Variants in PGAM5 observed in about 807,000 individuals in gnomAD.
The protein encoded by PGAM5 is PGAM family member 5, mitochondrial serine/threonine protein phosphatase, also known as serine/threonine-protein phosphatase PGAM5, mitochondrial.
Under a neutral mutation model 30.6 loss-of-function variants are expected in PGAM5, and 25 were observed. The observed-to-expected ratio is 0.82, with a 90% CI of 0.60 to 1.14. The LOEUF (loss-of-function observed/expected upper bound fraction) is 1.14. Ranked by LOEUF, PGAM5 falls within the 50% of genes most tolerant of loss-of-function variation. The pLI is 0.00. For missense variants in PGAM5, 384 were observed against 408.5 expected (o/e 0.94, Z 0.52); for synonymous variants, 201 against 179.1 (o/e 1.12, Z -0.98).
Position 132,721,454 on chromosome 12 carries a change from G to C in PGAM5, c.*626G>C, listed in dbSNP as rs974993454. The stretch of plus-strand genomic sequence containing the variant: ...TACTAAAAATACAGAACTTAGCTGG[G>C]TGTGTCGTGGGCATCTAGAGTCCCA... On this transcript the variant is annotated 3_prime_UTR_variant, in exon 6 of 6. Coordinates refer to ENST00000498926, the MANE Select transcript of PGAM5 (RefSeq NM_001170543.2). The C allele has an allele frequency of 6.6e-6, 1 of 152,228 alleles. No individual in the cohort carries two copies. The highest frequency in any genetic ancestry group is 1.5e-5 in the Non-Finnish European group (1 of 68,070). The allele number at this position is 152,228 out of a possible 1,614,324, so 9.4% of individuals were successfully genotyped here.
In PGAM5 at chr12:132,710,942, C is replaced by T; in HGVS notation, c.66C>T (p.Leu22=). The change falls in exon 1 of 6, where the codon CTC becomes CTT. Residue 22 remains leucine (L), a synonymous_variant. Coordinates refer to ENST00000498926, the MANE Select transcript of PGAM5 (RefSeq NM_001170543.2). ...CGLAGGSAAV[L]FSAVAVGKPR... ...TGGCCGGGGGCTCGGCCGCCGTGCT[C>T]TTCTCGGCCGTGGCGGTAGGGAAGC... The T allele has an allele frequency of 4.3e-6, 5 of 1,175,180 alleles. No individual in the cohort carries two copies. The highest frequency in any genetic ancestry group is 5.2e-6 in the Non-Finnish European group (5 of 952,754). The allele number at this position is 1,175,180 out of a possible 1,614,324, so 72.8% of individuals were successfully genotyped here.
chr12:132,714,903 A>G lies in PGAM5; in HGVS notation c.237A>G (p.Glu79=), dbSNP rs1269731419. Residue 79 remains glutamate, a synonymous_variant, in exon 2 of 6, where the codon GAA becomes GAG. Transcript: ENST00000498926. ...SLINVRKRNV[E]SGEEELASKL... ...TCAACGTGCGGAAGAGGAACGTGGA[A>G]TCTGGGGAAGAAGAGCTGGCGTCCA... 6.2e-7 allele frequency: 1 copy of G among 1,613,764 alleles called. No homozygotes were observed. The highest frequency in any genetic ancestry group is 1.7e-5 in the Admixed American group (1 of 60,020).
intron 5 of PGAM5, among the ~76,000 whole-genome samples, chr12:132,718,438 T>C (rs150504029): frequency 0.11 from 218 of 1,982 alleles, 49 homozygotes; most frequent in Admixed American, 0.17. Context: ...GGGTGGGGTG[T>C]GTGCTGGGTG....
chr12:132,714,924 G>T lies in PGAM5; in HGVS notation c.258G>T (p.Ala86=), dbSNP rs146099818. Reference sequence around the variant, plus strand: ...TGGAATCTGGGGAAGAAGAGCTGGCGTCCAAGCTGGACCACTACAAAGCCA... The same window carrying T: ...TGGAATCTGGGGAAGAAGAGCTGGCTTCCAAGCTGGACCACTACAAAGCCA... ...RNVESGEEEL[A]SKLDHYKAKA... Residue 86 remains alanine, a synonymous_variant, in exon 2 of 6, where the codon GCG becomes GCT. Coordinates refer to ENST00000498926, the MANE Select transcript of PGAM5 (RefSeq NM_001170543.2). 3.2e-4 allele frequency: 511 copies of T among 1,613,572 alleles called. No homozygotes were observed. Among genetic ancestry groups the T allele is most frequent in the Non-Finnish European group, 3.4e-4 (407 of 1,180,006 alleles).
Position 132,717,313 on chromosome 12 carries a change from G to GGTGTTTGAGGGCGGAGGAGGGC in PGAM5, c.371-119_371-118insAGGGCGGAGGAGGGCGTGTTTG, listed in dbSNP as rs1565999411. On this transcript the variant is annotated intron_variant, in intron 2 of 5. Transcript: ENST00000498926. ...GGTCGTGTTTGCGGGCGGAGGAGGG[G>GGTGTTTGAGGGCGGAGGAGGGC]GTGTTTGCGGGCGGAGGAGGGGGTG... The GGTGTTTGAGGGCGGAGGAGGGC allele has an allele frequency of 8.8e-5, 91 of 1,031,266 alleles. 1 individual carries two copies. The African/African-American group carries it at 1.5e-3, about 17-fold the overall frequency. The allele number at this position is 1,031,266 out of a possible 1,614,324, so 63.9% of individuals were successfully genotyped here.
chr12:132,719,567 A>G (rs552920804), intron 5 of PGAM5, among the ~76,000 whole-genome samples: 2 of 152,290 alleles, frequency 1.3e-5, no homozygotes, highest in Non-Finnish European at 2.9e-5. Flanking sequence ...CTATGCTGCC[A>G]CCACCACCTT....
chr12:132,720,313 G>GC (rs2043630162), intron 5 of PGAM5, among the ~76,000 whole-genome samples: 1 of 139,030 alleles, frequency 7.2e-6, no homozygotes, highest in Non-Finnish European at 1.6e-5. Context: ...AGCCCAGCCC[G>GC]TTTTTTTTTT....
At chr12:132,716,908 G>A (rs568959597) in intron 2 of PGAM5, among the ~76,000 whole-genome samples, 16 of 152,292 alleles carry the variant, frequency 1.1e-4, no homozygotes, top group Admixed American at 2.0e-4. Flanking sequence ...CAGTGGCTTC[G>A]GCCTTCCTGA....
In PGAM5 at chr12:132,718,182, G is replaced by A. The variant is rs2043602711; in HGVS notation, c.719+62G>A. 4.6e-5 allele frequency: 73 copies of A among 1,597,182 alleles called. 1 individual carries two copies. In the South Asian group the frequency reaches 7.6e-4, roughly 17 times the overall value. On this transcript the variant is annotated intron_variant, in intron 5 of 5. Coordinates refer to ENST00000498926, the MANE Select transcript of PGAM5 (RefSeq NM_001170543.2). Reference sequence around the variant, plus strand: ...TTTCAGACTTAGAGAAAAGCATGAGGAAGAAGCCGAGCGAGACCCTCCTCC... The same window carrying A: ...TTTCAGACTTAGAGAAAAGCATGAGAAAGAAGCCGAGCGAGACCCTCCTCC...
chr12:132,713,326 G>C (rs1338443646), intron 1 of PGAM5, among the ~76,000 whole-genome samples: 1 of 152,210 alleles, frequency 6.6e-6, no homozygotes, highest in African/African-American at 2.4e-5. Flanking sequence ...ACAGGAAGGT[G>C]CTAGAAGACA....
At position 132,717,772 on chromosome 12, in the gene PGAM5, G is replaced by T; in HGVS notation, c.559G>T (p.Val187Leu). 6.3e-7 allele frequency: 1 copy of T among 1,588,204 alleles called. No homozygotes were observed. Among genetic ancestry groups the T allele is most frequent in the Non-Finnish European group, 8.6e-7 (1 of 1,167,448 alleles). ...EGAPIEPDPP[V>L]SHWKPEAVQY... ...CGCCCCCATCGAGCCAGACCCGCCC[G>T]TGTCTCATTGGAAGCCGGAAGCTGT... is the stretch of plus-strand genomic sequence containing the variant. The change falls in exon 4 of 6, where the codon GTG (valine) becomes TTG (leucine). Residue 187 changes from valine (V) to leucine (L), a missense_variant. Val to Leu is a conservative substitution (Grantham distance 32). Transcript: ENST00000498926.
At chr12:132,712,603 C>T (rs749409450) in intron 1 of PGAM5, among the ~76,000 whole-genome samples, 7 of 151,968 alleles carry the variant, frequency 4.6e-5, no homozygotes, top group Admixed American at 4.6e-4. Flanking sequence ...ATTACAGGCA[C>T]GCGCCATTAT....
At chr12:132,713,072 A>G (rs149075321) in intron 1 of PGAM5, among the ~76,000 whole-genome samples, 1,804 of 152,268 alleles carry the variant, frequency 0.012, 23 homozygotes, top group Middle Eastern at 0.02. Context: ...AGGCAGGACA[A>G]TCACTTGAGC....
intron 1 of PGAM5, 93 bp downstream of exon 1, chr12:132,711,160 G>C: frequency 1.0e-6 from 1 of 980,142 alleles, no homozygotes; most frequent in African/African-American, 1.7e-5. Context: ...TTAAGGTTGC[G>C]ATCGGGTCGG....
chr12:132,710,871 A>G lies in PGAM5; in HGVS notation c.-6A>G. 8.9e-7 allele frequency: 1 copy of G among 1,128,212 alleles called. No homozygotes were observed. The highest frequency in any genetic ancestry group is 1.1e-6 in the Non-Finnish European group (1 of 922,846). 69.9% of individuals were successfully genotyped at this position (1,128,212 alleles called of 1,614,324 possible). A position where few individuals can be genotyped will look rare whatever the true frequency, so the allele number is the denominator to read the frequency against. ...GCCTGCGCGGGCCGGCGCGGGAGCA[A>G]GCGGCATGGCGTTCCGGCAGGCGCT... On this transcript the variant is annotated 5_prime_UTR_variant, in exon 1 of 6. Coordinates refer to ENST00000498926, the MANE Select transcript of PGAM5 (RefSeq NM_001170543.2).
In PGAM5 at chr12:132,720,903, C is replaced by T. The variant is rs963886162; in HGVS notation, c.*75C>T. ...CTTAACGTTTTGTTCCCAAGGAGAC[C>T]GGCGGAAAGTAGAAACCTGCAATGC... On this transcript the variant is annotated 3_prime_UTR_variant, in exon 6 of 6. Coordinates refer to ENST00000498926, the MANE Select transcript of PGAM5 (RefSeq NM_001170543.2). 4.8e-5 allele frequency: 69 copies of T among 1,452,374 alleles called. No homozygotes were observed. The highest frequency in any genetic ancestry group is 6.1e-5 in the Non-Finnish European group (67 of 1,096,918). 90.0% of individuals were successfully genotyped at this position (1,452,374 alleles called of 1,614,324 possible).
At chr12:132,714,533 CT>C (rs1298317341) in intron 1 of PGAM5, among the ~76,000 whole-genome samples, 1 of 152,226 alleles carries the variant, frequency 6.6e-6, no homozygotes, top group Non-Finnish European at 1.5e-5. Context: ...CTTTCCTAGC[CT>C]GGCGTTCTCC....
At chr12:132,720,338 C>T (rs1431672987) in intron 5 of PGAM5, among the ~76,000 whole-genome samples, 10 of 143,654 alleles carry the variant, frequency 7.0e-5, no homozygotes, top group African/African-American at 2.0e-4. Context: ...GACAGAATCT[C>T]GCTCTGTCAC....
intron 5 of PGAM5, chr12:132,719,057 G>A (rs2043617757): frequency 2.1e-6 from 3 of 1,419,656 alleles, no homozygotes; most frequent in African/African-American, 2.9e-5. Context: ...GAGCTCCAGG[G>A]CTGCAGCCAC....
Sources: allele counts gnomAD v4.1 joint callset (sites outside exome capture counted in the v4.1 genomes callset), GRCh38; gene constraint gnomAD v4.1.1; transcripts MANE v1.5; gene names NCBI Gene and HGNC (gene_info 2026-07-23, HGNC 2026-07-21).